Variants in RPS21 observed in about 807,000 individuals in gnomAD.
RPS21 encodes the protein small ribosomal subunit protein eS21.
In RPS21, 6 loss-of-function variants were observed where a neutral mutation model predicts 14.5. That is an observed-to-expected ratio of 0.41 (90% CI 0.23 to 0.82). The LOEUF (loss-of-function observed/expected upper bound fraction) is 0.82, where lower values mean the gene tolerates loss of function less well. Among genes scored for constraint, RPS21 ranks in the 40% least tolerant of loss-of-function variants. The probability of loss-of-function intolerance (pLI) is 0.31; values close to 1 mark genes in which losing one functional copy is unlikely to be tolerated. For synonymous variants in RPS21, 61 were observed against 42.6 expected, an observed-to-expected ratio of 1.43 and a Z score of -1.69; for missense variants, 85 against 115.0, an observed-to-expected ratio of 0.74 and a Z score of 1.19.
At position 62,387,574 on chromosome 20, in the gene RPS21, C is replaced by G. The variant is rs369343825; in HGVS notation, c.51-37C>G. 5 of 1,600,378 alleles carry G rather than the reference C, an allele frequency of 3.1e-6. No homozygotes were observed. In the African/African-American group the frequency reaches 6.7e-5, roughly 21 times the overall value. On this transcript the variant is annotated intron_variant, in intron 2 of 5. Transcript: ENST00000343986. ...TCGTCCCCTCTTTCATTCTTACCGC[C>G]CAAGTCCCCTCTGCTCACTGCGCCC...
intron 2 of RPS21, 105 bp from the exon 3 acceptor site, chr20:62,387,506 C>A (rs1296819437): frequency 1.3e-6 from 2 of 1,584,752 alleles, no homozygotes; most frequent in Non-Finnish European, 1.7e-6. Flanking sequence ...ACTTGTCCTG[C>A]CCCCGACGTT....
chr20:62,388,370 G>C lies in RPS21; in HGVS notation c.242+6G>C. On this transcript the variant is annotated splice_donor_region_variant and intron_variant, in intron 5 of 5. Coordinates refer to ENST00000343986, the MANE Select transcript of RPS21 (RefSeq NM_001024.4). Reference sequence around the variant, plus strand: ...GCCGATGGCATCGTCTCAAAGTAAGGTTGGGGGCTCACATTTGGGCAGAGT... The same window carrying C: ...GCCGATGGCATCGTCTCAAAGTAAGCTTGGGGGCTCACATTTGGGCAGAGT... 1 of 1,609,130 alleles carries C rather than the reference G, an allele frequency of 6.2e-7. No homozygotes were observed. The highest frequency in any genetic ancestry group is 1.1e-5 in the South Asian group (1 of 89,774).
intron 4 of RPS21, 115 bp from the exon 5 acceptor site, chr20:62,388,194 C>G (rs1019997929): frequency 6.8e-7 from 1 of 1,460,190 alleles, no homozygotes; most frequent in African/African-American, 1.4e-5. Flanking sequence ...CCTTCTGCGC[C>G]TGTCTCCATT....
chr20:62,388,473 A>G lies in RPS21; in HGVS notation c.*7A>G. ...TGGTTCTAGGAACTTTTGACTGGAG[A>G]GAATCACAGATGTGGAATATTTGTC... On this transcript the variant is annotated 3_prime_UTR_variant, in exon 6 of 6. Coordinates refer to ENST00000343986, the MANE Select transcript of RPS21 (RefSeq NM_001024.4). The G allele has an allele frequency of 6.2e-7, 1 of 1,613,292 alleles. No homozygotes were observed. Among genetic ancestry groups the G allele is most frequent in the Non-Finnish European group, 8.5e-7 (1 of 1,179,276 alleles).
intron 2 of RPS21, 73 bp downstream of exon 2, chr20:62,387,461 C>T (rs1987773355): frequency 3.1e-6 from 5 of 1,595,422 alleles, no homozygotes; most frequent in African/African-American, 2.7e-5. Flanking sequence ...CTTGTTCCCC[C>T]ACACCCCTCC....
chr20:62,388,218 A>G, intron 4 of RPS21, 91 bp from the exon 5 acceptor site: 6 of 1,479,078 alleles, frequency 4.1e-6, no homozygotes, highest in Non-Finnish European at 5.5e-6. Flanking sequence ...TCAGCGGGGG[A>G]GAGACGTGGG....
In RPS21 at chr20:62,387,208, A is replaced by G. The variant is rs1377077999; in HGVS notation, c.-19+72A>G. On this transcript the variant is annotated intron_variant, in intron 1 of 5. Transcript: ENST00000343986. ...GGGAGTGGGGGCTTGGACGCGGGGG[A>G]CGGGGTGCGGGGTGCTGGGTGCGGC... 24 of 702,082 alleles carry G rather than the reference A, an allele frequency of 3.4e-5. No individual in the cohort carries two copies. The East Asian group carries it at 6.8e-4, about 20-fold the overall frequency. 43.5% of individuals were successfully genotyped at this position (702,082 alleles called of 1,614,324 possible).
intron 1 of RPS21, 81 bp downstream of exon 1, chr20:62,387,217 G>A (rs536532565): frequency 3.4e-5 from 26 of 773,932 alleles, no homozygotes; most frequent in African/African-American, 2.5e-4. Flanking sequence ...GACGGGGTGC[G>A]GGGTGCTGGG....
Position 62,388,498 on chromosome 20 carries a change from CATAA to C in RPS21, c.*41_*44del, listed in dbSNP as rs765291578. 1 of 1,609,196 alleles carries C rather than the reference CATAA, an allele frequency of 6.2e-7. No homozygotes were observed. Among genetic ancestry groups the C allele is most frequent in the Non-Finnish European group, 8.5e-7 (1 of 1,175,640 alleles). On this transcript the variant is annotated 3_prime_UTR_variant, in exon 6 of 6. Coordinates refer to ENST00000343986, the MANE Select transcript of RPS21 (RefSeq NM_001024.4). ...AGAATCACAGATGTGGAATATTTGT[CATAA>C]ATAAATAATGAAAACCTACCTGTGC...
At chr20:62,387,289 C>T (rs1231976391) in intron 1 of RPS21, 32 bp from the exon 2 acceptor site, 7 of 1,534,982 alleles carry the variant, frequency 4.6e-6, no homozygotes, top group African/African-American at 1.4e-5. Flanking sequence ...CGGTTCCGGC[C>T]GTACTCACGG....
chr20:62,388,060 A>G, intron 4 of RPS21, 146 bp downstream of exon 4: 2 of 1,561,878 alleles, frequency 1.3e-6, no homozygotes, highest in South Asian at 1.2e-5. Flanking sequence ...CCGCTTCTTG[A>G]GGGTGGAAGA....
At position 62,388,246 on chromosome 20, in the gene RPS21, C is replaced by G; in HGVS notation, c.187-63C>G. The G allele has an allele frequency of 3.2e-6, 5 of 1,539,758 alleles. 1 individual carries two copies. In the South Asian group the frequency reaches 6.1e-5, roughly 19 times the overall value. ...GACGTGGGCTGGTGGCACAGCTGAC[C>G]TTCTGCCATCTCAGGCAGCCGGAGT... On this transcript the variant is annotated intron_variant, in intron 4 of 5. Transcript: ENST00000343986.
rs1324553285 is a variant in RPS21, at chr20:62,387,686, G to C, written c.114+12G>C. The C allele has an allele frequency of 1.9e-6, 3 of 1,614,024 alleles. No individual in the cohort carries two copies. Among genetic ancestry groups the C allele is most frequent in the East Asian group, 2.2e-5 (1 of 44,898 alleles). On this transcript the variant is annotated intron_variant, in intron 3 of 5. Transcript: ENST00000343986. ...TGAACGTGGCCGAGGTGAGCTGGGA[G>C]CCCGGGAGGCGGGAAGGTTGTGATA...
chr20:62,387,720 G>A, intron 3 of RPS21, 46 bp downstream of exon 3: 1 of 1,614,098 alleles, frequency 6.2e-7, no homozygotes, highest in Non-Finnish European at 8.5e-7. Context: ...TATATGTGCG[G>A]GAAAGGCAGG....
At position 62,388,289 on chromosome 20, in the gene RPS21, GC is replaced by G; in HGVS notation, c.187-19del. ...GCCGGAGTGGAAATATTCTTAGTGTGCTTTTTTTTTTTTCTTAAGGGTGAGT... is the reference window on the plus strand; with the variant it reads ...GCCGGAGTGGAAATATTCTTAGTGTGTTTTTTTTTTTTCTTAAGGGTGAGT... On this transcript the variant is annotated intron_variant, in intron 4 of 5. Transcript: ENST00000343986. 2 of 1,556,344 alleles carry G rather than the reference GC, an allele frequency of 1.3e-6. No individual in the cohort carries two copies. The highest frequency in any genetic ancestry group is 1.7e-6 in the Non-Finnish European group (2 of 1,153,546).
chr20:62,387,457 C>G (rs1213918046), intron 2 of RPS21, 69 bp downstream of exon 2: 2 of 1,592,788 alleles, frequency 1.3e-6, no homozygotes, highest in African/African-American at 2.7e-5. Flanking sequence ...TGCCCTTGTT[C>G]CCCCACACCC....
rs375378671 is a variant in RPS21 at position 62,387,415 on chromosome 20, C to G, written c.50+27C>G. On this transcript the variant is annotated intron_variant, in intron 2 of 5. Transcript: ENST00000343986. ...TAAGCGCCCCCCACATGCCTCTCTT[C>G]CGTCCTTACCTAACCACCACGTCCC... The G allele has an allele frequency of 3.7e-6, 6 of 1,607,492 alleles. No homozygotes were observed. In the African/African-American group the frequency reaches 5.4e-5, roughly 14 times the overall value.
At chr20:62,388,129 C>CT in intron 4 of RPS21, 180 bp from the exon 5 acceptor site, 1 of 1,499,792 alleles carries the variant, frequency 6.7e-7, no homozygotes, top group Non-Finnish European at 8.9e-7. Context: ...GAGGTGCCCC[C>CT]CCGACCCCGC....
Position 62,387,395 on chromosome 20 carries a change from GC to G in RPS21, c.50+13del, listed in dbSNP as rs756091131. 2 of 1,607,774 alleles carry G rather than the reference GC, an allele frequency of 1.2e-6. No homozygotes were observed. The highest frequency in any genetic ancestry group is 1.3e-5 in the African/African-American group (1 of 74,808). On this transcript the variant is annotated splice_region_variant and intron_variant, in intron 2 of 5. Coordinates refer to ENST00000343986, the MANE Select transcript of RPS21 (RefSeq NM_001024.4). The stretch of plus-strand genomic sequence containing the variant: ...TGTACGTGCCGCGGAAATGGTAAGC[GC>G]CCCCCACATGCCTCTCTTCCGTCCT...
Sources: allele counts gnomAD v4.1 joint callset, GRCh38; gene constraint gnomAD v4.1.1; transcripts MANE v1.5; gene names NCBI Gene and HGNC (gene_info 2026-07-23, HGNC 2026-07-21).